MYT1L: variants seen among roughly 807,000 people sequenced by gnomAD.
MYT1L encodes myelin transcription factor 1 like, also known as myelin transcription factor 1-like protein.
MYT1L carries 12 observed loss-of-function variants against 126.7 expected under a neutral mutation model. The observed-to-expected ratio is 0.09, with a 90% CI of 0.06 to 0.15. The LOEUF is 0.15. MYT1L is among the 10% of genes least tolerant of loss of function. The pLI, the probability that MYT1L is intolerant of heterozygous loss-of-function variation, is 1.00. For synonymous variants in MYT1L, 541 were observed against 604.2 expected (o/e 0.90, Z 1.53); for missense variants, 979 against 1,585.2 (o/e 0.62, Z 6.49).
At chr2:2,111,971 G>T (rs1468304070) in intron 3 of MYT1L, among the ~76,000 whole-genome samples, 1 of 152,250 alleles carries the variant, frequency 6.6e-6, no homozygotes, top group Non-Finnish European at 1.5e-5. Context: ...TCAGGTAAAA[G>T]CCTGTTCTAT....
At chr2:2,238,075 T>C (rs1559425546) in intron 2 of MYT1L, among the ~76,000 whole-genome samples, 2 of 152,136 alleles carry the variant, frequency 1.3e-5, no homozygotes, top group African/African-American at 2.4e-5. Flanking sequence ...GAAGATAAAG[T>C]GTTTTAAGGT....
In MYT1L at chr2:2,140,751, T is replaced by C. The variant is rs138021626; in HGVS notation, c.-304+32121A>G. 6.1e-3 allele frequency among the ~76,000 whole-genome samples: 924 copies of C among 152,236 alleles called. 12 individuals are homozygous for C. The highest frequency in any genetic ancestry group is 0.021 in the African/African-American group (886 of 41,534). On this transcript the variant is annotated intron_variant, in intron 3 of 24. Transcript: ENST00000647738. ...CCCGGCCTAATTTTTGTATTTTTAA[T>C]AGAGATGGGGTTTCACTATATTGGC...
intron 4 of MYT1L, among the ~76,000 whole-genome samples, chr2:2,042,028 CA>C (rs2067610472): frequency 6.6e-6 from 1 of 152,148 alleles, no homozygotes; most frequent in South Asian, 2.1e-4. Context: ...CGGTAGATAG[CA>C]CAGAGTGTCT....
At chr2:1,863,568 C>T (rs1006755337) in intron 18 of MYT1L, among the ~76,000 whole-genome samples, 1 of 151,826 alleles carries the variant, frequency 6.6e-6, no homozygotes, top group South Asian at 2.1e-4. Flanking sequence ...GCCCGACCCC[C>T]GGAAGGATAG....
chr2:1,981,864 G>A (rs753163427), intron 5 of MYT1L, among the ~76,000 whole-genome samples: 32 of 152,188 alleles, frequency 2.1e-4, no homozygotes, highest in Non-Finnish European at 3.5e-4. Context: ...TAGTCCCATC[G>A]TCAGCCAATT....
At chr2:1,858,439 TA>T (rs2044181724) in intron 18 of MYT1L, among the ~76,000 whole-genome samples, 1 of 152,110 alleles carries the variant, frequency 6.6e-6, no homozygotes, top group Non-Finnish European at 1.5e-5. Flanking sequence ...TAAAAAACAA[TA>T]AAAATAATAC....
At chr2:2,049,976 A>T (rs1230893546) in intron 4 of MYT1L, among the ~76,000 whole-genome samples, 4 of 150,746 alleles carry the variant, frequency 2.7e-5, no homozygotes, top group Non-Finnish European at 5.9e-5. Flanking sequence ...TATATATATA[A>T]ATATGTATAT....
At chr2:1,986,550 G>A (rs1264219111) in intron 5 of MYT1L, among the ~76,000 whole-genome samples, 3 of 152,168 alleles carry the variant, frequency 2.0e-5, no homozygotes, top group Admixed American at 6.5e-5. Context: ...CAGGGTAATC[G>A]AGGCAGTGGT....
At chr2:1,908,137 CG>C (rs1374101460) in intron 13 of MYT1L, among the ~76,000 whole-genome samples, 1 of 152,236 alleles carries the variant, frequency 6.6e-6, no homozygotes, top group Non-Finnish European at 1.5e-5. Context: ...AGCCTCTGCT[CG>C]GTTGGCATTT....
intron 18 of MYT1L, 150 bp from the exon 19 acceptor site, chr2:1,851,853 G>T: frequency 4.1e-6 from 3 of 732,194 alleles, no homozygotes; most frequent in Admixed American, 4.6e-5. Context: ...CCCTCATGGA[G>T]CTGGAAGTCA....
intron 3 of MYT1L, among the ~76,000 whole-genome samples, chr2:2,088,202 C>T (rs1045395218): frequency 2.6e-5 from 4 of 152,228 alleles, no homozygotes; most frequent in African/African-American, 7.2e-5. Flanking sequence ...ACTTCTCTGA[C>T]TTGGCATGGG....
chr2:2,011,618 T>C (rs1282911481), intron 4 of MYT1L, among the ~76,000 whole-genome samples: 18 of 151,954 alleles, frequency 1.2e-4, no homozygotes, highest in Non-Finnish European at 2.6e-4. Context: ...AGAAGGTATT[T>C]AAAAATCATA....
intron 2 of MYT1L, among the ~76,000 whole-genome samples, chr2:2,247,825 C>A (rs2094562844): frequency 6.6e-6 from 1 of 151,996 alleles, no homozygotes; most frequent in South Asian, 2.1e-4. Flanking sequence ...AAATTGGAAA[C>A]TTTCTTGAAA....
intron 22 of MYT1L, among the ~76,000 whole-genome samples, chr2:1,802,768 C>T (rs2035073570): frequency 6.6e-6 from 1 of 152,228 alleles, no homozygotes; most frequent in Non-Finnish European, 1.5e-5. Flanking sequence ...TATTTGTGAC[C>T]ACTTGACCTC....
At chr2:1,808,499 T>C (rs2036077851) in intron 22 of MYT1L, among the ~76,000 whole-genome samples, 1 of 152,190 alleles carries the variant, frequency 6.6e-6, no homozygotes, top group African/African-American at 2.4e-5. Flanking sequence ...GGGTGGACTG[T>C]GGATGTTTCT....
At chr2:1,998,452 C>T (rs1032730980) in intron 4 of MYT1L, among the ~76,000 whole-genome samples, 1 of 152,176 alleles carries the variant, frequency 6.6e-6, no homozygotes, top group Non-Finnish European at 1.5e-5. Flanking sequence ...TCTTTTCCTT[C>T]GACCTGGAAA....
chr2:2,250,217 C>T (rs1260966230), intron 2 of MYT1L, among the ~76,000 whole-genome samples: 2 of 152,090 alleles, frequency 1.3e-5, no homozygotes, highest in Non-Finnish European at 2.9e-5. Context: ...CTCTGCACTC[C>T]CATGTTTGCT....
intron 21 of MYT1L, among the ~76,000 whole-genome samples, chr2:1,837,571 G>T (rs919681306): frequency 1.3e-5 from 2 of 152,112 alleles, no homozygotes; most frequent in Non-Finnish European, 2.9e-5. Context: ...GTGTGCACAA[G>T]GACGTTCACG....
At chr2:2,086,434 A>G (rs997625006) in intron 3 of MYT1L, among the ~76,000 whole-genome samples, 2 of 152,230 alleles carry the variant, frequency 1.3e-5, no homozygotes, top group Admixed American at 6.5e-5. Context: ...GAAACACTAA[A>G]GCCAACAGTT....
Sources: gnomAD v4.1 joint callset for allele counts (sites outside exome capture counted in the v4.1 genomes callset) on GRCh38, gnomAD v4.1.1 for gene constraint, MANE v1.5 for transcripts, NCBI Gene and HGNC (gene_info 2026-07-23, HGNC 2026-07-21) for gene names.